The following LRRC61 variants were observed in gnomAD, a reference collection of about 807,000 sequenced individuals.
LRRC61 encodes leucine-rich repeat-containing protein 61.
LRRC61 carries 9 observed loss-of-function variants against 15.1 expected under a neutral mutation model. That is an observed-to-expected ratio of 0.60 (90% confidence interval 0.36 to 1.04). The LOEUF is 1.04. LRRC61 is among the 50% of genes least tolerant of loss of function. The pLI is 0.01. For missense variants in LRRC61, 344 were observed against 335.6 expected (o/e 1.03, Z -0.20); for synonymous variants, 173 against 158.6 (o/e 1.09, Z -0.68).
intron 2 of LRRC61, among the ~76,000 whole-genome samples, chr7:150,334,978 C>T (rs12672917): frequency 0.039 from 5,814 of 150,434 alleles, 247 homozygotes; most frequent in East Asian, 0.13. Flanking sequence ...GCCGAGATCG[C>T]GCCATTGTGC....
In LRRC61 at chr7:150,337,420, T is replaced by C. The variant is rs773491988; in HGVS notation, c.559T>C (p.Ser187Pro). Reference protein sequence around the residue: ...RDLDSSLRPSSSPGPRATEAQ... With the variant: ...RDLDSSLRPSPSPGPRATEAQ... ...CCTGGACAGCTCCTTGCGTCCCAGC[T>C]CCAGTCCAGGCCCCAGAGCCACCGA... is the stretch of plus-strand genomic sequence containing the variant. Residue 187 changes from serine to proline, a missense_variant, in exon 3 of 3, where the codon TCC (serine) becomes CCC (proline). Physicochemically the swap from Ser to Pro is moderately conservative, Grantham distance 74. Coordinates refer to ENST00000359623, the MANE Select transcript of LRRC61 (RefSeq NM_001142928.2). 3 of 1,605,284 alleles carry C rather than the reference T, an allele frequency of 1.9e-6. No homozygotes were observed. Among genetic ancestry groups the C allele is most frequent in the African/African-American group, 2.7e-5 (2 of 74,874 alleles).
upstream of LRRC61, among the ~76,000 whole-genome samples, chr7:150,321,069 T>G (rs754656652): frequency 6.6e-6 from 1 of 152,194 alleles, no homozygotes; most frequent in Non-Finnish European, 1.5e-5. Flanking sequence ...TTAGCAAGAA[T>G]CCTGCTGAGT....
At chr7:150,323,323 G>A (rs570472768), upstream of LRRC61, 127 of 271,554 alleles carry the variant, frequency 4.7e-4, no homozygotes, top group Non-Finnish European at 8.1e-4. Flanking sequence ...GCCCACTACG[G>A]CCTTTGGCCA....
chr7:150,313,571 T>C, the LRRC61 span, among the ~76,000 whole-genome samples: 28 of 152,298 alleles, frequency 1.8e-4, no homozygotes, highest in South Asian at 5.8e-3. Flanking sequence ...TAGCTCTTCC[T>C]GAAATCAAGA....
Position 150,330,523 on chromosome 7 carries a change from G to A in LRRC61, c.-145+4513G>A, listed in dbSNP as rs756893925. ...ACACACTTTCAGGAGCAGAGTGTCG[G>A]GGAGAGGGGCGCAGCCATCCAGCTG... On this transcript the variant is annotated intron_variant, in intron 2 of 2. Coordinates refer to ENST00000359623, the MANE Select transcript of LRRC61 (RefSeq NM_001142928.2). This position sits in a 1 kb window ranked among gnomAD's most constrained non-coding sequence, Gnocchi z 4.6. 2.6e-6 allele frequency: 2 copies of A among 779,128 alleles called. No individual in the cohort carries two copies. The highest frequency in any genetic ancestry group is 2.4e-6 in the Non-Finnish European group (1 of 417,178). The allele number at this position is 779,128 out of a possible 1,614,324, so 48.3% of individuals were successfully genotyped here.
At chr7:150,317,941 G>C in the LRRC61 span, among the ~76,000 whole-genome samples, 2 of 151,982 alleles carry the variant, frequency 1.3e-5, no homozygotes, top group East Asian at 3.9e-4. Context: ...AGGAACTATG[G>C]GATGTCTCAC....
In LRRC61 at chr7:150,330,639, C is replaced by A; in HGVS notation, c.-145+4629C>A. The stretch of plus-strand genomic sequence containing the variant: ...GTTTGTGCTGGCCACCTTGCTGGAC[C>A]CTTGCTTCAAGGGGAAGATTGAGGC... On this transcript the variant is annotated intron_variant, in intron 2 of 2. Transcript: ENST00000359623. The surrounding 1 kb of genome is among the most constrained non-coding windows in gnomAD (Gnocchi z 4.6). The A allele has an allele frequency of 1.0e-6, 1 of 962,404 alleles. No homozygotes were observed. The highest frequency in any genetic ancestry group is 1.7e-6 in the Non-Finnish European group (1 of 584,430). The allele number at this position is 962,404 out of a possible 1,614,324, so 59.6% of individuals were successfully genotyped here. A position where few individuals can be genotyped will look rare whatever the true frequency, so the allele number is the denominator to read the frequency against.
upstream of LRRC61, among the ~76,000 whole-genome samples, chr7:150,321,771 ATAAAGTG>A (rs578144648): frequency 6.6e-6 from 1 of 152,310 alleles, no homozygotes; most frequent in South Asian, 2.1e-4. Flanking sequence ...AAAAACTTGG[ATAAAGTG>A]TAAAGATAAA....
intron 2 of LRRC61, among the ~76,000 whole-genome samples, chr7:150,327,920 C>G (rs528880925): frequency 6.6e-6 from 1 of 152,138 alleles, no homozygotes; most frequent in East Asian, 1.9e-4. Context: ...CCCACTTCTA[C>G]GTGGAAGGCC....
At chr7:150,312,632 C>T in the LRRC61 span, among the ~76,000 whole-genome samples, 1 of 152,114 alleles carries the variant, frequency 6.6e-6, no homozygotes. Context: ...TAGAAATGCA[C>T]CTTAGACCCG....
chr7:150,318,711 G>A (rs1004088590), upstream of LRRC61, among the ~76,000 whole-genome samples: 5 of 152,134 alleles, frequency 3.3e-5, no homozygotes, highest in Non-Finnish European at 5.9e-5. Flanking sequence ...GCACCACTGC[G>A]CTCCAGCCTG....
chr7:150,337,458 G>T lies in LRRC61; in HGVS notation c.597G>T (p.Trp199Cys). Residue 199 changes from tryptophan to cysteine, a missense_variant, in exon 3 of 3, where the codon TGG (tryptophan) becomes TGT (cysteine). Coordinates refer to ENST00000359623, the MANE Select transcript of LRRC61 (RefSeq NM_001142928.2). Reference sequence around the variant, plus strand: ...CCAGAGCCACCGAGGCCCAGCCCTGGGTGGAGCCAGGCTACTGGGAGTCCT... The same window carrying T: ...CCAGAGCCACCGAGGCCCAGCCCTGTGTGGAGCCAGGCTACTGGGAGTCCT... ...PGPRATEAQP[W>C]VEPGYWESWP... 6.2e-7 allele frequency: 1 copy of T among 1,603,854 alleles called. No homozygotes were observed. The highest frequency in any genetic ancestry group is 1.1e-5 in the South Asian group (1 of 91,062).
In LRRC61 at chr7:150,331,356, A is replaced by G. The variant is rs1585045209; in HGVS notation, c.-145+5346A>G. The G allele has an allele frequency of 1.7e-5, 8 of 472,204 alleles. No individual in the cohort carries two copies. The East Asian group carries it at 2.0e-4, about 12-fold the overall frequency. The allele number at this position is 472,204 out of a possible 1,614,324, so 29.3% of individuals were successfully genotyped here. ...GTGCTCACCCTGCCCGTGAACTCCT[A>G]GAGAGCCCCTGCCTGTAATAGGTCA... is the stretch of plus-strand genomic sequence containing the variant. On this transcript the variant is annotated intron_variant, in intron 2 of 2. Coordinates refer to ENST00000359623, the MANE Select transcript of LRRC61 (RefSeq NM_001142928.2).
chr7:150,317,219 T>C, the LRRC61 span, among the ~76,000 whole-genome samples: 1 of 152,066 alleles, frequency 6.6e-6, no homozygotes, highest in Non-Finnish European at 1.5e-5. Flanking sequence ...CGGCTAATTT[T>C]TTGTATTTTT....
the LRRC61 span, among the ~76,000 whole-genome samples, chr7:150,314,771 CA>C: frequency 6.4e-3 from 574 of 90,334 alleles, 12 homozygotes; most frequent in African/African-American, 4.4e-3. Flanking sequence ...CCCATCTCTC[CA>C]AAAAAAAAAA....
the LRRC61 span, among the ~76,000 whole-genome samples, chr7:150,316,327 T>C: frequency 4.6e-5 from 7 of 152,236 alleles, no homozygotes; most frequent in African/African-American, 1.4e-4. Context: ...TGTCAATACA[T>C]TGCACACATA....
intron 1 of LRRC61, among the ~76,000 whole-genome samples, chr7:150,325,525 T>C: frequency 6.6e-6 from 1 of 152,206 alleles, no homozygotes; most frequent in South Asian, 2.1e-4. Flanking sequence ...TGGAATGCAG[T>C]GGTGCAATCA....
rs1798061118 is a variant in LRRC61 at position 150,330,178 on chromosome 7, T to G, written c.-145+4168T>G. The G allele has an allele frequency of 6.8e-6, 4 of 584,430 alleles. No individual in the cohort carries two copies. 36.2% of individuals were successfully genotyped at this position (584,430 alleles called of 1,614,324 possible). ...TAAGGCTCTGTGGAGGCCCAGGGACTCCTCACCCAGCTCCAGCGCCAGCGC... is the reference window on the plus strand; with the variant it reads ...TAAGGCTCTGTGGAGGCCCAGGGACGCCTCACCCAGCTCCAGCGCCAGCGC... On this transcript the variant is annotated intron_variant, in intron 2 of 2. Transcript: ENST00000359623. This position sits in a 1 kb window ranked among gnomAD's most constrained non-coding sequence, Gnocchi z 4.6.
chr7:150,321,917 G>T (rs1277915121), upstream of LRRC61, among the ~76,000 whole-genome samples: 1 of 152,158 alleles, frequency 6.6e-6, no homozygotes, highest in Non-Finnish European at 1.5e-5. Flanking sequence ...GTTGCCCCTG[G>T]GAAGACTAGG....
Sources: allele counts gnomAD v4.1 joint callset (sites outside exome capture counted in the v4.1 genomes callset), GRCh38; gene constraint gnomAD v4.1.1; non-coding constraint Gnocchi (gnomAD v3.1); transcripts MANE v1.5; gene names NCBI Gene and HGNC (gene_info 2026-07-23, HGNC 2026-07-21).